The following PTPRM variants were observed in gnomAD, a reference collection of about 807,000 sequenced individuals.
PTPRM encodes receptor-type tyrosine-protein phosphatase mu.
In PTPRM, 47 loss-of-function variants were observed where a neutral mutation model predicts 186.7. That is an observed-to-expected ratio of 0.25 (90% CI 0.20 to 0.32). PTPRM has a LOEUF of 0.32. PTPRM is among the 10% of genes least tolerant of loss of function. The pLI is 1.00. For missense variants in PTPRM, 1,494 were observed against 1,865.0 expected, an observed-to-expected ratio of 0.80 and a Z score of 3.66; for synonymous variants, 668 against 674.9, an observed-to-expected ratio of 0.99 and a Z score of 0.16.
At chr18:8,201,498 T>C (rs1272588858) in intron 14 of PTPRM, among the ~76,000 whole-genome samples, 1 of 152,234 alleles carries the variant, frequency 6.6e-6, no homozygotes, top group Non-Finnish European at 1.5e-5. Context: ...GCTATTACTA[T>C]ATCTATTTAT....
At chr18:8,067,313 T>C (rs1251812202) in intron 7 of PTPRM, among the ~76,000 whole-genome samples, 1 of 152,208 alleles carries the variant, frequency 6.6e-6, no homozygotes, top group African/African-American at 2.4e-5. Context: ...TTATATAAAA[T>C]TAGACATTTC....
In PTPRM at chr18:8,378,421, G is replaced by C. The variant is rs1247152585; in HGVS notation, c.3612+7G>C. 1 of 1,613,860 alleles carries C rather than the reference G, an allele frequency of 6.2e-7. No homozygotes were observed. Among genetic ancestry groups the C allele is most frequent in the East Asian group, 2.2e-5 (1 of 44,866 alleles). ...GATTAAAGAGGAATTCCGGGTAAGT[G>C]ATGCCTAAGGGAGGGGCACTGCACG... On this transcript the variant is annotated splice_region_variant and intron_variant, in intron 27 of 32. Transcript: ENST00000580170.
At chr18:8,247,153 A>C (rs951457087) in intron 15 of PTPRM, among the ~76,000 whole-genome samples, 5 of 152,210 alleles carry the variant, frequency 3.3e-5, no homozygotes, top group African/African-American at 1.2e-4. Context: ...TCTGTCATCC[A>C]TGAAGAGCGT....
At chr18:8,226,255 A>G (rs776734309) in intron 14 of PTPRM, among the ~76,000 whole-genome samples, 4 of 151,396 alleles carry the variant, frequency 2.6e-5, no homozygotes, top group Non-Finnish European at 5.9e-5. Context: ...CATCATTCCC[A>G]CCTAGCCCCC....
chr18:7,842,945 T>TAGAGAGAGAGAGAGAG (rs1230883241), intron 2 of PTPRM, among the ~76,000 whole-genome samples: 1 of 115,132 alleles, frequency 8.7e-6, no homozygotes, highest in East Asian at 3.6e-4. Context: ...TATATATATA[T>TAGAGAGAGAGAGAGAG]ATAGAGAGAG....
intron 9 of PTPRM, among the ~76,000 whole-genome samples, chr18:8,077,955 C>T (rs2089919238): frequency 6.6e-6 from 1 of 152,188 alleles, no homozygotes; most frequent in South Asian, 2.1e-4. Flanking sequence ...TCTGATTCTG[C>T]AGCCAGGACT....
intron 2 of PTPRM, among the ~76,000 whole-genome samples, chr18:7,868,723 T>A (rs1453853368): frequency 2.6e-5 from 4 of 152,228 alleles, no homozygotes; most frequent in South Asian, 2.1e-4. Flanking sequence ...GAGCTTGAGC[T>A]CTGTGCTGGG....
chr18:7,691,926 T>A (rs1474268167), intron 1 of PTPRM, among the ~76,000 whole-genome samples: 105 of 125,998 alleles, frequency 8.3e-4, no homozygotes, highest in African/African-American at 3.0e-3. Context: ...GATGGCTAGA[T>A]CCCAGGAGGT....
At chr18:8,274,608 T>G (rs2094812017) in intron 19 of PTPRM, among the ~76,000 whole-genome samples, 1 of 152,202 alleles carries the variant, frequency 6.6e-6, no homozygotes. Context: ...TTTTTCAGAA[T>G]GACATCCACC....
At chr18:7,895,152 A>G (rs1363349023) in intron 3 of PTPRM, among the ~76,000 whole-genome samples, 2 of 152,170 alleles carry the variant, frequency 1.3e-5, no homozygotes, top group African/African-American at 2.4e-5. Flanking sequence ...CAACTGATTT[A>G]AACTTTATGA....
At chr18:8,140,565 G>A (rs925695629) in intron 13 of PTPRM, among the ~76,000 whole-genome samples, 29 of 151,354 alleles carry the variant, frequency 1.9e-4, no homozygotes, top group Non-Finnish European at 4.4e-5. Context: ...AATAACCAGC[G>A]TTATCACTAG....
At chr18:7,905,855 G>C (rs2049952666) in intron 3 of PTPRM, among the ~76,000 whole-genome samples, 1 of 152,158 alleles carries the variant, frequency 6.6e-6, no homozygotes, top group Non-Finnish European at 1.5e-5. Context: ...ACATGGTCCA[G>C]TGTGGTCAGA....
chr18:8,049,731 A>G (rs1166216633), intron 7 of PTPRM, among the ~76,000 whole-genome samples: 1 of 144,812 alleles, frequency 6.9e-6, no homozygotes, highest in Non-Finnish European at 1.5e-5. Flanking sequence ...TTCTTTTTTG[A>G]GATGAAATCT....
intron 7 of PTPRM, among the ~76,000 whole-genome samples, chr18:7,984,559 TATATATATGCCCC>T (rs1340909358): frequency 3.8e-5 from 5 of 132,804 alleles, no homozygotes; most frequent in African/African-American, 5.8e-5. Context: ...ATATGCCCCA[TATATATATGCCCC>T]ATATATATAT....
chr18:8,231,455 C>G (rs1353063293), intron 14 of PTPRM, among the ~76,000 whole-genome samples: 1 of 152,198 alleles, frequency 6.6e-6, no homozygotes, highest in Non-Finnish European at 1.5e-5. Flanking sequence ...AGCAATTTGT[C>G]CTGCAGCTCT....
intron 1 of PTPRM, among the ~76,000 whole-genome samples, chr18:7,607,246 G>A (rs899500065): frequency 2.0e-5 from 3 of 152,098 alleles, no homozygotes; most frequent in African/African-American, 7.2e-5. Context: ...CTGGAGCTGC[G>A]AGGAATAGAG....
At chr18:7,864,413 A>G (rs532992605) in intron 2 of PTPRM, among the ~76,000 whole-genome samples, 1 of 152,332 alleles carries the variant, frequency 6.6e-6, no homozygotes, top group African/African-American at 2.4e-5. Flanking sequence ...TTTTCTGCAT[A>G]TGGCTGGCCA....
chr18:7,726,186 G>A (rs1165323584), intron 1 of PTPRM, among the ~76,000 whole-genome samples: 1 of 152,086 alleles, frequency 6.6e-6, no homozygotes, highest in African/African-American at 2.4e-5. Flanking sequence ...AAGGGGTCAG[G>A]GAAATAATCT....
At position 7,571,130 on chromosome 18, in the gene PTPRM, C is replaced by T. The variant is rs771295939; in HGVS notation, c.73+3239C>T. Among the ~76,000 whole-genome samples the T allele has an allele frequency of 6.6e-5, 10 of 151,934 alleles. No homozygotes were observed. In the East Asian group the frequency reaches 9.7e-4, roughly 15 times the overall value. On this transcript the variant is annotated intron_variant, in intron 1 of 32. Coordinates refer to ENST00000580170, the MANE Select transcript of PTPRM (RefSeq NM_001105244.2). The stretch of plus-strand genomic sequence containing the variant: ...CTAATTTTTGTATTTTTAGTAGAGA[C>T]GGGTTTTCACCATGTTGGCCAGGAT...
Sources: allele counts gnomAD v4.1 joint callset (sites outside exome capture counted in the v4.1 genomes callset), GRCh38; gene constraint gnomAD v4.1.1; transcripts MANE v1.5; gene names NCBI Gene and HGNC (gene_info 2026-07-23, HGNC 2026-07-21).